Variants in NECAB3 observed in about 807,000 individuals in gnomAD.
NECAB3 encodes N-terminal EF-hand calcium-binding protein 3.
NECAB3 carries 38 observed loss-of-function variants against 57.2 expected under a neutral mutation model. The ratio of observed to expected loss-of-function variants is 0.66; its 90% CI spans 0.51 to 0.87. The LOEUF (loss-of-function observed/expected upper bound fraction) is 0.87. Among genes scored for constraint, NECAB3 ranks in the 40% least tolerant of loss-of-function variants. The pLI is 0.00. For synonymous variants in NECAB3, 223 were observed against 222.6 expected (o/e 1.00, Z -0.02); for missense variants, 474 against 527.5 (o/e 0.90, Z 0.99).
intron 5 of NECAB3, chr20:33,668,304 G>T: frequency 1.3e-6 from 2 of 1,518,750 alleles, no homozygotes; most frequent in Non-Finnish European, 1.8e-6. Flanking sequence ...TCAAGTGTTT[G>T]GAGCTGGCAG....
In NECAB3 at chr20:33,659,816, G is replaced by C. The variant is rs2017404351; in HGVS notation, c.643+69C>G. ...GAATGAAGTGAGGGGCAGTGAAGGAGCGGGCCCTGGGGGAAGGGGGGATGC... is the reference window on the plus strand; with the variant it reads ...GAATGAAGTGAGGGGCAGTGAAGGACCGGGCCCTGGGGGAAGGGGGGATGC... On this transcript the variant is annotated intron_variant, in intron 7 of 11. Coordinates refer to ENST00000246190, the MANE Select transcript of NECAB3 (RefSeq NM_031232.4). The C allele has an allele frequency of 2.6e-6, 4 of 1,531,316 alleles. No individual in the cohort carries two copies. The East Asian group carries it at 9.8e-5, about 38-fold the overall frequency. 94.9% of individuals were successfully genotyped at this position (1,531,316 alleles called of 1,614,324 possible).
At chr20:33,663,792 G>A in intron 5 of NECAB3, 1 of 1,424,652 alleles carries the variant, frequency 7.0e-7, no homozygotes, top group South Asian at 1.5e-5. Context: ...GGTCCCCGGG[G>A]AAGGCTCCCC....
intron 5 of NECAB3, among the ~76,000 whole-genome samples, chr20:33,661,705 A>T (rs1262050376): frequency 6.6e-6 from 1 of 152,166 alleles, no homozygotes; most frequent in Non-Finnish European, 1.5e-5. Context: ...GGCTGGAGTG[A>T]AGCGGCATGA....
intron 1 of NECAB3, 108 bp downstream of exon 1, chr20:33,674,116 G>C: frequency 1.2e-5 from 13 of 1,124,692 alleles, no homozygotes; most frequent in Non-Finnish European, 1.5e-5. Context: ...GGGCCAGAGA[G>C]AGGGGAAGAG....
chr20:33,672,167 C>G (rs1207342487), intron 2 of NECAB3: 3 of 587,106 alleles, frequency 5.1e-6, no homozygotes, highest in African/African-American at 3.7e-5. Flanking sequence ...GTGTGAAAGT[C>G]AGCCCCTATC....
rs751768892 is a variant in NECAB3, at chr20:33,658,039, G to C, written c.1071-6C>G. 1 of 1,550,320 alleles carries C rather than the reference G, an allele frequency of 6.5e-7. No homozygotes were observed. ...TGCCAGGCGACTGCTGGTGCCTGCA[G>C]AGACCCAGGCTACAGTGACCTCGCT... On this transcript the variant is annotated splice_polypyrimidine_tract_variant and splice_region_variant and intron_variant, in intron 10 of 11. Transcript: ENST00000246190.
In NECAB3 at chr20:33,659,500, G is replaced by A. The variant is rs762952840; in HGVS notation, c.876C>T (p.Asp292=). The A allele has an allele frequency of 3.7e-5, 54 of 1,478,602 alleles. No individual in the cohort carries two copies. The highest frequency in any genetic ancestry group is 1.8e-4 in the Middle Eastern group (1 of 5,630). The allele number at this position is 1,478,602 out of a possible 1,614,324, so 91.6% of individuals were successfully genotyped here. Residue 292 remains aspartate (D), a synonymous_variant, in exon 8 of 12, where the codon GAC becomes GAT. Transcript: ENST00000246190. The part of the protein sequence containing the change: ...LREEDLAKGP[D]LHILMAQRQV... ...CTTGCCCCTCTCCTGGGCTCACCAA[G>A]TCAGGCCCCTTGGCCAGGTCCTCTT... is the stretch of plus-strand genomic sequence containing the variant.
At chr20:33,663,623 G>A in intron 5 of NECAB3, 1 of 1,608,998 alleles carries the variant, frequency 6.2e-7, no homozygotes, top group South Asian at 1.1e-5. Flanking sequence ...GCTGGGCTGG[G>A]CTCCCCGGCG....
Position 33,669,673 on chromosome 20 carries a change from A to G in NECAB3, c.289+14T>C. ...GGGGCCACAGGAGAAAAGAGCTCCC[A>G]TGGGCCTACTCACCACACAGTTTTT... On this transcript the variant is annotated intron_variant, in intron 4 of 11. Transcript: ENST00000246190. The G allele has an allele frequency of 6.3e-7, 1 of 1,591,112 alleles. No homozygotes were observed. Among genetic ancestry groups the G allele is most frequent in the Non-Finnish European group, 8.6e-7 (1 of 1,168,950 alleles).
chr20:33,664,900 C>T (rs996463500), intron 5 of NECAB3: 3 of 152,316 alleles, frequency 2.0e-5, no homozygotes, highest in Admixed American at 6.5e-5. Context: ...CTTTTGTCAC[C>T]GCCACCAGGA....
rs771043389 is a variant in NECAB3, at chr20:33,660,390, G to A, written c.393C>T (p.Tyr131=). 42 of 1,613,456 alleles carry A rather than the reference G, an allele frequency of 2.6e-5. No homozygotes were observed. The highest frequency in any genetic ancestry group is 1.9e-4 in the South Asian group (17 of 91,078). Residue 131 remains tyrosine, a synonymous_variant, in exon 6 of 12, where the codon TAC becomes TAT. Coordinates refer to ENST00000246190, the MANE Select transcript of NECAB3 (RefSeq NM_031232.4). The surrounding 1 kb of genome is among the most constrained non-coding windows in gnomAD (Gnocchi z 4.1). ...ACTGGTCCACTTTGGAGGCCCTCTC[G>A]TACTCCTGTGGGCCAAGGAGGGACG... The part of the protein sequence containing the change: ...LAAMDATKLE[Y]ERASKVDQFV...
intron 5 of NECAB3, among the ~76,000 whole-genome samples, chr20:33,663,085 T>C (rs2017531849): frequency 6.6e-6 from 1 of 152,152 alleles, no homozygotes; most frequent in Non-Finnish European, 1.5e-5. Context: ...GAGAATCAGT[T>C]CTAGTTGGTA....
At chr20:33,658,877 CA>C in intron 8 of NECAB3, 43 bp from the exon 9 acceptor site, 2 of 1,460,322 alleles carry the variant, frequency 1.4e-6, no homozygotes, top group South Asian at 2.3e-5. Flanking sequence ...GGGCCGGGCA[CA>C]GGGGAGGGAC....
At chr20:33,663,875 G>A in intron 5 of NECAB3, 1 of 1,387,304 alleles carries the variant, frequency 7.2e-7, no homozygotes, top group Non-Finnish European at 9.3e-7. Flanking sequence ...TAAACGCTTG[G>A]CCCGGACCCC....
At chr20:33,663,459 G>C in intron 5 of NECAB3, 1 of 1,492,182 alleles carries the variant, frequency 6.7e-7, no homozygotes, top group East Asian at 2.5e-5. Flanking sequence ...CCCAGGAGAA[G>C]CGCGGAGCGG....
At position 33,659,708 on chromosome 20, in the gene NECAB3, T is replaced by A. The variant is rs376329519; in HGVS notation, c.668A>T (p.Gln223Leu). Reference protein sequence around the residue: ...DTGRSSEAEMQWRLQVNRLQE... With the variant: ...DTGRSSEAEMLWRLQVNRLQE... ...GAGGCGGTTCACCTGGAGCCGCCAC[T>A]GCATCTCGGCCTCTGAGCTGCGCCC... Residue 223 changes from glutamine (Q) to leucine (L), a missense_variant, in exon 8 of 12, where the codon CAG becomes CTG. Transcript: ENST00000246190. 1.2e-6 allele frequency: 2 copies of A among 1,605,894 alleles called. No homozygotes were observed. The highest frequency in any genetic ancestry group is 2.7e-5 in the African/African-American group (2 of 74,826).
At chr20:33,669,146 G>A (rs890879643) in intron 5 of NECAB3, 11 of 547,614 alleles carry the variant, frequency 2.0e-5, no homozygotes, top group South Asian at 4.7e-5. Context: ...CCCTGCCTTC[G>A]TTCTCACTGG....
intron 5 of NECAB3, chr20:33,668,073 CGCGGCCCT>C: frequency 6.3e-7 from 1 of 1,580,514 alleles, no homozygotes; most frequent in Non-Finnish European, 8.6e-7. Context: ...GGCACGGCTA[CGCGGCCCT>C]GCGGCCCCAC....
intron 5 of NECAB3, chr20:33,667,484 T>TGCCC: frequency 6.8e-7 from 1 of 1,470,948 alleles, no homozygotes; most frequent in Non-Finnish European, 9.0e-7. Flanking sequence ...ACCCTGGCAG[T>TGCCC]GCCCGCGTGC....
Sources: allele counts gnomAD v4.1 joint callset (sites outside exome capture counted in the v4.1 genomes callset), GRCh38; gene constraint gnomAD v4.1.1; non-coding constraint Gnocchi (gnomAD v3.1); transcripts MANE v1.5; gene names NCBI Gene and HGNC (gene_info 2026-07-23, HGNC 2026-07-21).